Variants in CPS1 observed in about 807,000 individuals in gnomAD.
CPS1 encodes carbamoyl-phosphate synthase [ammonia], mitochondrial.
In CPS1, 109 loss-of-function variants were observed where a neutral mutation model predicts 174.6. The observed-to-expected ratio is 0.62, with a 90% CI of 0.53 to 0.73. CPS1 has a LOEUF of 0.73. CPS1 is among the 30% of genes least tolerant of loss of function. The pLI, the probability that CPS1 is intolerant of heterozygous loss-of-function variation, is 0.00. For missense variants in CPS1, 1,689 were observed against 1,821.9 expected, an observed-to-expected ratio of 0.93 and a Z score of 1.33; for synonymous variants, 637 against 632.0, an observed-to-expected ratio of 1.01 and a Z score of -0.12.
intron 19 of CPS1, among the ~76,000 whole-genome samples, chr2:210,610,537 A>G (rs1699075907): frequency 6.6e-6 from 1 of 151,986 alleles, no homozygotes. Flanking sequence ...GATAGTACTT[A>G]TATATAGATG....
At chr2:210,651,324 T>A (rs930110335) in intron 28 of CPS1, among the ~76,000 whole-genome samples, 1 of 152,118 alleles carries the variant, frequency 6.6e-6, no homozygotes, top group Non-Finnish European at 1.5e-5. Context: ...TCCCCAAGGA[T>A]GTTTGAGTGG....
At chr2:210,573,469 A>C in intron 2 of CPS1, 62 bp downstream of exon 2, 90 of 1,236,636 alleles carry the variant, frequency 7.3e-5, no homozygotes, top group Non-Finnish European at 9.3e-5. Context: ...GGAAGATCTC[A>C]CTCATGGTGG....
intron 1 of CPS1, among the ~76,000 whole-genome samples, chr2:210,572,597 T>C (rs528799839): frequency 6.6e-6 from 1 of 152,154 alleles, no homozygotes; most frequent in South Asian, 2.1e-4. Context: ...AAGATTATTA[T>C]GGCAAAGTTA....
intron 16 of CPS1, among the ~76,000 whole-genome samples, chr2:210,602,699 A>G (rs376070471): frequency 6.6e-6 from 1 of 151,978 alleles, no homozygotes; most frequent in African/African-American, 2.4e-5. Flanking sequence ...TTAAGGAAAA[A>G]TAGGACATAA....
In CPS1 at chr2:210,525,576, T is replaced by A. The variant is rs547847464; in HGVS notation, c.4-31143T>A. On this transcript the variant is annotated intron_variant, in intron 1 of 38. Coordinates refer to the CPS1 transcript ENST00000430249. The stretch of plus-strand genomic sequence containing the variant: ...AGTTAGAGTGGGGAAGGTAAAAGTT[T>A]AGTGAGCTGGTGGCTAAATAATCAA... Among the ~76,000 whole-genome samples, 9 of 151,714 alleles carry A rather than the reference T, an allele frequency of 5.9e-5. 1 individual carries two copies. The highest frequency in any genetic ancestry group is 2.0e-4 in the Admixed American group (3 of 15,166).
At chr2:210,508,414 CA>C (rs1273054217) in intron 1 of CPS1, among the ~76,000 whole-genome samples, 5 of 151,486 alleles carry the variant, frequency 3.3e-5, no homozygotes, top group Non-Finnish European at 7.4e-5. Context: ...TAAATGCCCA[CA>C]AGAGAAAGCA....
At chr2:210,631,410 A>T (rs150474588) in intron 21 of CPS1, 39 of 152,274 alleles carry the variant, frequency 2.6e-4, no homozygotes, top group African/African-American at 9.4e-4. Flanking sequence ...CAACAACAAT[A>T]TCTACATTGG....
Position 210,508,176 on chromosome 2 carries a change from G to A in CPS1, c.3+30410G>A, listed in dbSNP as rs995527628. On this transcript the variant is annotated intron_variant, in intron 1 of 38. Transcript: ENST00000430249. ...AAAAGAACAGAAATTATAACAAACT[G>A]TCTCTCAGACCACAGTGCAATCAAA... Among the ~76,000 whole-genome samples, 4 of 149,900 alleles carry A rather than the reference G, an allele frequency of 2.7e-5. 1 individual carries two copies. The South Asian group carries it at 6.4e-4, about 24-fold the overall frequency.
At chr2:210,600,754 C>T (rs1698695866) in intron 15 of CPS1, 42 bp downstream of exon 15, 1 of 1,603,850 alleles carries the variant, frequency 6.2e-7, no homozygotes. Context: ...CATTATTTGT[C>T]TTGTGTTGTA....
At chr2:210,616,365 C>T in intron 20 of CPS1, 58 bp from the exon 21 acceptor site, 1 of 1,218,870 alleles carries the variant, frequency 8.2e-7, no homozygotes, top group South Asian at 1.2e-5. Flanking sequence ...TATTTTAAAC[C>T]AAATAAGACA....
chr2:210,519,055 G>C (rs1470144429), intron 1 of CPS1, among the ~76,000 whole-genome samples: 1 of 151,972 alleles, frequency 6.6e-6, no homozygotes, highest in Non-Finnish European at 1.5e-5. Flanking sequence ...TACAAAATCA[G>C]AATACAATCT....
At chr2:210,518,132 T>A (rs754523979) in intron 1 of CPS1, among the ~76,000 whole-genome samples, 10 of 151,994 alleles carry the variant, frequency 6.6e-5, no homozygotes, top group Non-Finnish European at 1.3e-4. Flanking sequence ...GTTGTGTCTT[T>A]CCAGAGATTT....
chr2:210,521,969 C>T (rs1380873022), intron 1 of CPS1, among the ~76,000 whole-genome samples: 2 of 151,866 alleles, frequency 1.3e-5, no homozygotes, highest in Non-Finnish European at 2.9e-5. Context: ...TTGGATCTTG[C>T]TCTTATGACT....
intron 31 of CPS1, 95 bp from the exon 32 acceptor site, chr2:210,660,390 T>A: frequency 7.9e-7 from 1 of 1,263,174 alleles, no homozygotes; most frequent in Non-Finnish European, 1.2e-6. Context: ...GGTCCCCAGT[T>A]AATAACAGCT....
chr2:210,615,039 A>ATC (rs1472167848), intron 20 of CPS1, among the ~76,000 whole-genome samples: 2 of 151,808 alleles, frequency 1.3e-5, no homozygotes, highest in Non-Finnish European at 2.9e-5. Flanking sequence ...ATATATATAT[A>ATC]TATAAAAGAA....
At chr2:210,592,022 T>A in intron 10 of CPS1, 53 bp downstream of exon 10, 1 of 1,562,832 alleles carries the variant, frequency 6.4e-7, no homozygotes, top group Non-Finnish European at 8.7e-7. Context: ...GCAGGGCTTT[T>A]AAAAATAATT....
intron 1 of CPS1, among the ~76,000 whole-genome samples, chr2:210,539,412 C>CA (rs900341528): frequency 1.3e-5 from 2 of 152,038 alleles, no homozygotes; most frequent in African/African-American, 4.8e-5. Flanking sequence ...TTCAAATGTA[C>CA]AAAAAAGTAC....
At chr2:210,508,151 A>G (rs1190489643) in intron 1 of CPS1, among the ~76,000 whole-genome samples, 1 of 149,644 alleles carries the variant, frequency 6.7e-6, no homozygotes, top group East Asian at 2.0e-4. Context: ...CAGCAAATGT[A>G]AAAGAACAGA....
rs3217217 is a variant in CPS1 at position 210,668,076 on chromosome 2, A to ATGTG, written c.4003-84_4003-81dup. The ATGTG allele has an allele frequency of 0.24, 160,120 of 659,824 alleles. 6,529 individuals are homozygous for ATGTG. Among genetic ancestry groups the ATGTG allele is most frequent in the East Asian group, 0.37 (12,641 of 34,108 alleles). The allele number at this position is 659,824 out of a possible 1,614,324, so 40.9% of individuals were successfully genotyped here. A position where few individuals can be genotyped will look rare whatever the true frequency, so the allele number is the denominator to read the frequency against. On this transcript the variant is annotated intron_variant, in intron 33 of 37. Transcript: ENST00000233072. The stretch of plus-strand genomic sequence containing the variant: ...TAAAGTACTTTCCATTTGTGCGTGC[A>ATGTG]TGTGTGTGTGTGTGTGTGTGTGTGT...
Sources: allele counts gnomAD v4.1 joint callset (sites outside exome capture counted in the v4.1 genomes callset), GRCh38; gene constraint gnomAD v4.1.1; transcripts MANE v1.5; gene names NCBI Gene and HGNC (gene_info 2026-07-23, HGNC 2026-07-21).